The following GGA1 variants were observed in gnomAD, a reference collection of about 807,000 sequenced individuals.
GGA1 encodes the protein golgi associated, gamma adaptin ear containing, ARF binding protein 1.
GGA1 carries 18 observed loss-of-function variants against 76.9 expected under a neutral mutation model. The ratio of observed to expected loss-of-function variants is 0.23; its 90% CI spans 0.16 to 0.35. The LOEUF (loss-of-function observed/expected upper bound fraction) is 0.35, where lower values mean the gene tolerates loss of function less well. Ranked by LOEUF, GGA1 falls within the 10% of genes least tolerant of loss-of-function variation. The pLI, the probability that GGA1 is intolerant of heterozygous loss-of-function variation, is 1.00. For missense variants in GGA1, 755 were observed against 859.0 expected, an observed-to-expected ratio of 0.88 and a Z score of 1.51; for synonymous variants, 342 against 354.7, an observed-to-expected ratio of 0.96 and a Z score of 0.40.
At chr22:37,622,253 A>AT (rs937889464) in intron 7 of GGA1, among the ~76,000 whole-genome samples, 35 of 149,034 alleles carry the variant, frequency 2.3e-4, no homozygotes, top group South Asian at 4.2e-4. Context: ...TAGTTTTTGT[A>AT]TTTTTTTTGT....
chr22:37,622,850 G>A (rs1024735339), intron 7 of GGA1, among the ~76,000 whole-genome samples: 1 of 152,238 alleles, frequency 6.6e-6, no homozygotes, highest in Non-Finnish European at 1.5e-5. Context: ...AGCAGCCTTT[G>A]AAGGCACGGG....
rs749767811 is a variant in GGA1 at position 37,609,134 on chromosome 22, C to T, written c.43+231C>T. On this transcript the variant is annotated intron_variant, in intron 1 of 16. Coordinates refer to ENST00000343632, the MANE Select transcript of GGA1 (RefSeq NM_013365.5). ...GCCGCCCACCTGTCGGATCCCTGGG[C>T]CATGACCCCTGGGACGGCGAGTGAG... is the stretch of plus-strand genomic sequence containing the variant. 16 of 1,477,714 alleles carry T rather than the reference C, an allele frequency of 1.1e-5. No individual in the cohort carries two copies. In the African/African-American group the frequency reaches 2.2e-4, roughly 20 times the overall value. The allele number at this position is 1,477,714 out of a possible 1,614,324, so 91.5% of individuals were successfully genotyped here.
chr22:37,613,499 C>A (rs1928142310), intron 1 of GGA1, among the ~76,000 whole-genome samples: 1 of 152,144 alleles, frequency 6.6e-6, no homozygotes, highest in Admixed American at 6.5e-5. Flanking sequence ...CTCCCGGGTT[C>A]ACGCCATTCT....
At chr22:37,628,338 C>T (rs1300025908) in intron 11 of GGA1, among the ~76,000 whole-genome samples, 1 of 152,194 alleles carries the variant, frequency 6.6e-6, no homozygotes, top group East Asian at 1.9e-4. Flanking sequence ...GCTGGGATTA[C>T]AGACATTAGC....
At chr22:37,617,027 C>G in intron 3 of GGA1, 30 bp downstream of exon 3, 1 of 1,579,072 alleles carries the variant, frequency 6.3e-7, no homozygotes, top group Non-Finnish European at 8.6e-7. Flanking sequence ...CCATCCGTCC[C>G]CCGCCATGTG....
chr22:37,620,231 C>T lies in GGA1; in HGVS notation c.304-7C>T, dbSNP rs1929630719. 1 of 1,613,948 alleles carries T rather than the reference C, an allele frequency of 6.2e-7. No homozygotes were observed. On this transcript the variant is annotated splice_region_variant and splice_polypyrimidine_tract_variant and intron_variant, in intron 4 of 16. Transcript: ENST00000343632. ...GTATCAAAGGCCTCCCCACTGTGTC[C>T]CTGAAGTATCTGGGCTCTCGGACAT...
chr22:37,620,957 G>C (rs370514482), intron 6 of GGA1, 44 bp downstream of exon 6: 1 of 1,176,578 alleles, frequency 8.5e-7, no homozygotes, highest in South Asian at 1.2e-5. Context: ...GAGCCCAGGT[G>C]GGGGTCCGTG....
chr22:37,615,860 A>C (rs1449235912), intron 2 of GGA1, among the ~76,000 whole-genome samples: 1 of 148,996 alleles, frequency 6.7e-6, no homozygotes, highest in Non-Finnish European at 1.5e-5. Context: ...TTTTTTTTTG[A>C]GATGGAGTCT....
Position 37,632,145 on chromosome 22 carries a change from T to C in GGA1, c.1678T>C (p.Phe560Leu). 6.2e-7 allele frequency: 1 copy of C among 1,612,894 alleles called. No homozygotes were observed. Among genetic ancestry groups the C allele is most frequent in the South Asian group, 1.1e-5 (1 of 91,052 alleles). The change falls in exon 15 of 17, where the codon TTC (phenylalanine) becomes CTC (leucine). Residue 560 changes from phenylalanine (F) to leucine (L), a missense_variant. Coordinates refer to ENST00000343632, the MANE Select transcript of GGA1 (RefSeq NM_013365.5). The surrounding 1 kb of genome is among the most constrained non-coding windows in gnomAD (Gnocchi z 5.1). Reference protein sequence around the residue: ...TAPQPIRNIVFQSAVPKVMKV... With the variant: ...TAPQPIRNIVLQSAVPKVMKV... ...CCCCCAGCCCATCCGCAACATCGTGTTCCAGTCAGCTGTCCCCAAGGTGAC... is the reference window on the plus strand; with the variant it reads ...CCCCCAGCCCATCCGCAACATCGTGCTCCAGTCAGCTGTCCCCAAGGTGAC...
At position 37,623,567 on chromosome 22, in the gene GGA1, T is replaced by C; in HGVS notation, c.766T>C (p.Cys256Arg). 6.2e-7 allele frequency: 1 copy of C among 1,611,422 alleles called. No homozygotes were observed. The highest frequency in any genetic ancestry group is 8.5e-7 in the Non-Finnish European group (1 of 1,178,756). The change falls in exon 9 of 17, where the codon TGT becomes CGT. Residue 256 changes from cysteine (C) to arginine (R), a missense_variant. Coordinates refer to ENST00000343632, the MANE Select transcript of GGA1 (RefSeq NM_013365.5). This position sits in a 1 kb window ranked among gnomAD's most constrained non-coding sequence, Gnocchi z 4.6. ...CTGCCCTCAGGAACTGTACCAGCGC[T>C]GTGAGCGGATGCGGCCCACGCTCTT... ...EDLMKELYQR[C>R]ERMRPTLFRL...
intron 2 of GGA1, 51 bp from the exon 3 acceptor site, chr22:37,616,871 G>T (rs1335392471): frequency 1.3e-6 from 2 of 1,538,040 alleles, no homozygotes; most frequent in African/African-American, 2.8e-5. Context: ...TGGCCCTAGG[G>T]TGACCGGGAC....
chr22:37,618,483 G>A lies in GGA1; in HGVS notation c.240G>A (p.Arg80=). Residue 80 remains arginine, a synonymous_variant, in exon 4 of 17, where the codon CGG becomes CGA. Transcript: ENST00000343632. Reference sequence around the variant, plus strand: ...CATGCATGAAGAGCTGCGGCAAGCGGTTCCACGACGAAGTGGGCAAGTTCC... The same window carrying A: ...CATGCATGAAGAGCTGCGGCAAGCGATTCCACGACGAAGTGGGCAAGTTCC... The part of the protein sequence containing the change: ...LETCMKSCGK[R]FHDEVGKFRF... 4 of 1,613,628 alleles carry A rather than the reference G, an allele frequency of 2.5e-6. No individual in the cohort carries two copies. The highest frequency in any genetic ancestry group is 3.4e-6 in the Non-Finnish European group (4 of 1,179,568).
At chr22:37,630,316 G>A (rs1568993913) in intron 13 of GGA1, 146 bp downstream of exon 13, 1 of 608,620 alleles carries the variant, frequency 1.6e-6, no homozygotes, top group South Asian at 2.0e-5. Flanking sequence ...CAGTGCACCT[G>A]CCTCTGGAAA....
chr22:37,625,394 T>C lies in GGA1; in HGVS notation c.940+318T>C, dbSNP rs1930638039. On this transcript the variant is annotated intron_variant, in intron 10 of 16. Coordinates refer to ENST00000343632, the MANE Select transcript of GGA1 (RefSeq NM_013365.5). This position sits in a 1 kb window ranked among gnomAD's most constrained non-coding sequence, Gnocchi z 4.1. ...CCCAGAGGCTTTATGTATCAGAAAATGCGAGGGGGGTTAGAAAAGTAAACA... is the reference window on the plus strand; with the variant it reads ...CCCAGAGGCTTTATGTATCAGAAAACGCGAGGGGGGTTAGAAAAGTAAACA... Among the ~76,000 whole-genome samples the C allele has an allele frequency of 6.6e-6, 1 of 151,726 alleles. No homozygotes were observed. The highest frequency in any genetic ancestry group is 2.4e-5 in the African/African-American group (1 of 41,276).
At position 37,631,926 on chromosome 22, in the gene GGA1, GTGGGGGC is replaced by G. The variant is rs1335303743; in HGVS notation, c.1529-60_1529-54del. On this transcript the variant is annotated intron_variant, in intron 14 of 16. Transcript: ENST00000343632. ...GCAGCCAGCTCCTGAGGCCAGCCGGGTGGGGGCTGGGGGCTGAGCGGATGTGCTGCAG... is the reference window on the plus strand; with the variant it reads ...GCAGCCAGCTCCTGAGGCCAGCCGGGTGGGGGCTGAGCGGATGTGCTGCAG... 3.6e-6 allele frequency: 5 copies of G among 1,404,694 alleles called. No individual in the cohort carries two copies. In the East Asian group the frequency reaches 1.2e-4, roughly 33 times the overall value. The allele number at this position is 1,404,694 out of a possible 1,614,324, so 87.0% of individuals were successfully genotyped here.
chr22:37,619,700 TTGAG>T, intron 4 of GGA1: 3 of 690,756 alleles, frequency 4.3e-6, no homozygotes, highest in Non-Finnish European at 8.1e-6. Flanking sequence ...CTTAAGCTGT[TTGAG>T]TGACAGCCCA....
chr22:37,609,212 A>ACG (rs1486494882), intron 1 of GGA1: 2 of 1,271,462 alleles, frequency 1.6e-6, no homozygotes, highest in African/African-American at 3.2e-5. Context: ...CCCAAGGCTC[A>ACG]CATTGCTTCA....
At chr22:37,609,260 C>T in intron 1 of GGA1, 2 of 1,157,204 alleles carry the variant, frequency 1.7e-6, no homozygotes, top group Non-Finnish European at 2.2e-6. Context: ...GCGAGCGGTT[C>T]CCCGGGGTTG....
chr22:37,630,628 A>G, intron 13 of GGA1: 1 of 508,882 alleles, frequency 2.0e-6, no homozygotes, highest in South Asian at 2.5e-5. Flanking sequence ...GTACAGTGGC[A>G]TGATCTCGGC....
Sources: allele counts gnomAD v4.1 joint callset (sites outside exome capture counted in the v4.1 genomes callset), GRCh38; gene constraint gnomAD v4.1.1; non-coding constraint Gnocchi (gnomAD v3.1); transcripts MANE v1.5; gene names NCBI Gene and HGNC (gene_info 2026-07-23, HGNC 2026-07-21).